The following PCYT1B variants were observed in gnomAD, a reference collection of about 807,000 sequenced individuals.
PCYT1B encodes the protein choline-phosphate cytidylyltransferase B.
PCYT1B carries 10 observed loss-of-function variants against 26.4 expected under a neutral mutation model. That is an observed-to-expected ratio of 0.38 (90% CI 0.23 to 0.64). PCYT1B has a LOEUF of 0.64. Among genes scored for constraint, PCYT1B ranks in the 30% least tolerant of loss-of-function variants. PCYT1B has a pLI of 0.56. For synonymous variants in PCYT1B, 131 were observed against 108.4 expected (o/e 1.21, Z -1.29); for missense variants, 161 against 292.7 (o/e 0.55, Z 3.28).
At chrX:24,592,967 G>A (rs1372361081) in intron 3 of PCYT1B, among the ~76,000 whole-genome samples, 2 of 111,516 alleles carry the variant, frequency 1.8e-5, no homozygotes, top group Non-Finnish European at 3.8e-5. Flanking sequence ...AGGCTGGAGT[G>A]CAATGGCACG....
chrX:24,647,271 G>GCC lies in PCYT1B; in HGVS notation c.-168_-167dup. 2 of 845,758 alleles carry GCC rather than the reference G, an allele frequency of 2.4e-6. No individual in the cohort carries two copies. Among genetic ancestry groups the GCC allele is most frequent in the Admixed American group, 6.2e-5 (1 of 16,081 alleles). The allele number at this position is 845,758 out of a possible 1,213,427, so 69.7% of individuals were successfully genotyped here. A position where few individuals can be genotyped will look rare whatever the true frequency, so the allele number is the denominator to read the frequency against. On this transcript the variant is annotated 5_prime_UTR_variant, in exon 1 of 8. Coordinates refer to ENST00000379144, the MANE Select transcript of PCYT1B (RefSeq NM_004845.5). ...AGGGGAAGTAAAGAGGTTACCCCCC[G>GCC]CCCCTCTCTCTCTCTCTCTCTCCCA...
intron 2 of PCYT1B, among the ~76,000 whole-genome samples, chrX:24,617,379 T>TTTG (rs1555960816): frequency 9.4e-6 from 1 of 106,401 alleles, no homozygotes; most frequent in African/African-American, 3.4e-5. Flanking sequence ...TTGTTTTTTT[T>TTTG]TTTGTTTGTT....
chrX:24,637,413 G>A (rs1264461572), intron 1 of PCYT1B, among the ~76,000 whole-genome samples: 1 of 98,955 alleles, frequency 1.0e-5, no homozygotes, highest in African/African-American at 3.9e-5. Context: ...AGGCCGAGGC[G>A]GGAGGGTCAC....
intron 4 of PCYT1B, among the ~76,000 whole-genome samples, chrX:24,589,037 C>T (rs1466859771): frequency 9.0e-6 from 1 of 110,603 alleles, no homozygotes; most frequent in African/African-American, 3.3e-5. Context: ...AGCACAGTGC[C>T]GGGCACATGG....
chrX:24,592,256 A>G (rs1450583418), intron 3 of PCYT1B, among the ~76,000 whole-genome samples: 1 of 112,308 alleles, frequency 8.9e-6, no homozygotes, highest in Non-Finnish European at 1.9e-5. Flanking sequence ...ACAGGAAGAC[A>G]AATACTGCCT....
intron 3 of PCYT1B, among the ~76,000 whole-genome samples, chrX:24,596,493 T>C (rs957357163): frequency 1.9e-5 from 2 of 107,666 alleles, no homozygotes; most frequent in Non-Finnish European, 3.8e-5. Context: ...TGGGGAGGCT[T>C]AGGTGGGAGG....
intron 2 of PCYT1B, 124 bp downstream of exon 2, chrX:24,618,861 G>A (rs1487988857): frequency 2.7e-6 from 1 of 375,898 alleles, no homozygotes; most frequent in Non-Finnish European, 4.6e-6. Context: ...ACCTCAAGGT[G>A]ATCCACCCAC....
At chrX:24,638,770 T>C (rs778294228) in intron 1 of PCYT1B, among the ~76,000 whole-genome samples, 2 of 111,649 alleles carry the variant, frequency 1.8e-5, no homozygotes, top group African/African-American at 6.5e-5. Context: ...ATGGACAACA[T>C]TGATTAAGAA....
At chrX:24,578,381 T>C (rs898702300) in intron 6 of PCYT1B, among the ~76,000 whole-genome samples, 7 of 111,447 alleles carry the variant, frequency 6.3e-5, no homozygotes, top group Admixed American at 1.9e-4. Context: ...GAGAAATACC[T>C]AATGTAGATG....
intron 3 of PCYT1B, among the ~76,000 whole-genome samples, chrX:24,604,618 C>T (rs868229122): frequency 2.7e-5 from 3 of 110,889 alleles, no homozygotes; most frequent in Non-Finnish European, 5.7e-5. Flanking sequence ...TGCAGAGGTA[C>T]GATCATAGCT....
intron 1 of PCYT1B, among the ~76,000 whole-genome samples, chrX:24,667,501 G>T (rs1175896104): frequency 9.0e-6 from 1 of 111,107 alleles, no homozygotes; most frequent in Non-Finnish European, 1.9e-5. Flanking sequence ...CAGTTCACTT[G>T]AGGTCAGGAG....
chrX:24,626,114 C>CA (rs1925876473), intron 1 of PCYT1B, among the ~76,000 whole-genome samples: 1 of 107,413 alleles, frequency 9.3e-6, no homozygotes, highest in African/African-American at 3.4e-5. Context: ...AACTCTGTCT[C>CA]AAAAAAACAG....
rs1923407917 is a variant in PCYT1B at position 24,561,343 on chromosome X, C to G, written c.*950G>C. The stretch of plus-strand genomic sequence containing the variant: ...AGAACAGATACGTGCAGGTAGCACC[C>G]CCTATTGGTATACTATGTTTGATAC... On this transcript the variant is annotated 3_prime_UTR_variant, in exon 8 of 8. Transcript: ENST00000379144. 9.0e-6 allele frequency: 1 copy of G among 111,625 alleles called. No individual in the cohort carries two copies. The highest frequency in any genetic ancestry group is 1.9e-5 in the Non-Finnish European group (1 of 53,107). The allele number at this position is 111,625 out of a possible 1,213,427, so 9.2% of individuals were successfully genotyped here.
At chrX:24,667,642 G>A (rs1051894738) in intron 1 of PCYT1B, among the ~76,000 whole-genome samples, 3 of 109,520 alleles carry the variant, frequency 2.7e-5, no homozygotes, top group Non-Finnish European at 5.7e-5. Flanking sequence ...GCTTGAACCC[G>A]GGAGATGGAG....
At chrX:24,644,389 A>G (rs1926555752) in intron 1 of PCYT1B, among the ~76,000 whole-genome samples, 1 of 109,847 alleles carries the variant, frequency 9.1e-6, no homozygotes, top group Non-Finnish European at 1.9e-5. Context: ...AGTAAATCAA[A>G]GCAGGTGCTT....
intron 2 of PCYT1B, among the ~76,000 whole-genome samples, chrX:24,609,268 T>C (rs768494172): frequency 6.3e-5 from 7 of 110,844 alleles, no homozygotes; most frequent in African/African-American, 2.0e-4. Flanking sequence ...CCTCCCGGGT[T>C]CAAGCAATTC....
chrX:24,623,243 C>T (rs1243587477), intron 1 of PCYT1B, among the ~76,000 whole-genome samples: 1 of 109,323 alleles, frequency 9.1e-6, no homozygotes, highest in Non-Finnish European at 1.9e-5. Context: ...AACCACTACT[C>T]TTTTGAGCAT....
At chrX:24,623,151 G>A (rs1427256816) in intron 1 of PCYT1B, among the ~76,000 whole-genome samples, 10 of 110,277 alleles carry the variant, frequency 9.1e-5, no homozygotes, top group East Asian at 8.5e-4. Flanking sequence ...AAGAATGACC[G>A]TTTTAGAATG....
intron 4 of PCYT1B, 51 bp downstream of exon 4, chrX:24,589,972 A>G: frequency 9.4e-7 from 1 of 1,059,055 alleles, no homozygotes. Flanking sequence ...TGGCTGCAGA[A>G]CCAGACTCCC....
Sources: gnomAD v4.1 joint callset for allele counts (sites outside exome capture counted in the v4.1 genomes callset) on GRCh38, gnomAD v4.1.1 for gene constraint, MANE v1.5 for transcripts, NCBI Gene and HGNC (gene_info 2026-07-23, HGNC 2026-07-21) for gene names.